Variants in PAK3 observed in about 807,000 individuals in gnomAD.
PAK3 encodes the protein p21 (RAC1) activated kinase 3, also known as serine/threonine-protein kinase PAK 3.
PAK3 carries 4 observed loss-of-function variants against 41.0 expected under a neutral mutation model. The observed-to-expected ratio is 0.10, with a 90% confidence interval of 0.05 to 0.22. The LOEUF (loss-of-function observed/expected upper bound fraction) is 0.22, where lower values mean the gene tolerates loss of function less well. PAK3 is among the 10% of genes least tolerant of loss of function. The pLI is 1.00. For missense variants in PAK3, 205 were observed against 409.9 expected, an observed-to-expected ratio of 0.50 and a Z score of 4.32; for synonymous variants, 146 against 139.6, an observed-to-expected ratio of 1.05 and a Z score of -0.32.
At position 111,223,326 on chromosome X, in the gene PAK3, T is replaced by C. The variant is rs1417281547; in HGVS notation, c.*2879T>C. ...TATTTATTTAAAAAAGGAAAGAACGTTAATGTTGTTAGCAAGGATCCAGTG... is the reference window on the plus strand; with the variant it reads ...TATTTATTTAAAAAAGGAAAGAACGCTAATGTTGTTAGCAAGGATCCAGTG... On this transcript the variant is annotated 3_prime_UTR_variant, in exon 18 of 18. Transcript: ENST00000372007. The C allele has an allele frequency of 2.7e-5, 3 of 109,486 alleles. No individual in the cohort carries two copies. Among genetic ancestry groups the C allele is most frequent in the African/African-American group, 1.0e-4 (3 of 30,060 alleles). The allele number at this position is 109,486 out of a possible 1,213,427, so 9.0% of individuals were successfully genotyped here. A position where few individuals can be genotyped will look rare whatever the true frequency, so the allele number is the denominator to read the frequency against.
At chrX:111,041,645 C>A (rs952074530) in intron 1 of PAK3, among the ~76,000 whole-genome samples, 3 of 111,463 alleles carry the variant, frequency 2.7e-5, no homozygotes, top group Non-Finnish European at 5.6e-5. Flanking sequence ...CCTCATCCTA[C>A]CTCCACTCCC....
intron 4 of PAK3, among the ~76,000 whole-genome samples, chrX:111,107,346 A>G (rs1210302383): frequency 1.8e-5 from 2 of 112,300 alleles, no homozygotes; most frequent in African/African-American, 6.5e-5. Flanking sequence ...TTCATGTGCG[A>G]TAGTAGACCC....
intron 1 of PAK3, among the ~76,000 whole-genome samples, chrX:111,067,055 T>A (rs932753470): frequency 1.5e-4 from 17 of 112,303 alleles, no homozygotes; most frequent in Non-Finnish European, 1.3e-4. Flanking sequence ...TTTGTTCTAA[T>A]ATTTTATCCG....
At chrX:110,953,659 T>G (rs1383586754) in intron 1 of PAK3, among the ~76,000 whole-genome samples, 1 of 111,399 alleles carries the variant, frequency 9.0e-6, no homozygotes, top group Non-Finnish European at 1.9e-5. Flanking sequence ...GAAAGCATTT[T>G]CAAAAGTGGG....
chrX:111,030,481 A>G (rs190997628), intron 1 of PAK3, among the ~76,000 whole-genome samples: 35 of 112,350 alleles, frequency 3.1e-4, no homozygotes, highest in African/African-American at 1.1e-3. Flanking sequence ...AGACTACATT[A>G]ATTGTGGAGT....
chrX:110,987,491 G>A (rs970841439), intron 1 of PAK3, among the ~76,000 whole-genome samples: 5 of 111,678 alleles, frequency 4.5e-5, no homozygotes, highest in African/African-American at 1.6e-4. Flanking sequence ...ATTAGACCCC[G>A]CCAGAGGGAG....
chrX:111,143,856 T>C (rs953604562), intron 6 of PAK3, among the ~76,000 whole-genome samples: 2 of 111,864 alleles, frequency 1.8e-5, no homozygotes, highest in African/African-American at 6.5e-5. Context: ...ACTACTATTG[T>C]GTTTTATTGT....
chrX:111,216,901 G>T, intron 17 of PAK3: 1 of 749,038 alleles, frequency 1.3e-6, no homozygotes, highest in Non-Finnish European at 1.6e-6. Flanking sequence ...CTTGGCCGGA[G>T]GTAATTCTCT....
chrX:111,100,561 G>T (rs995853146), intron 3 of PAK3, among the ~76,000 whole-genome samples: 3 of 111,229 alleles, frequency 2.7e-5, no homozygotes, highest in Non-Finnish European at 5.7e-5. Flanking sequence ...GATGGGGCTG[G>T]GGGTTCACAG....
chrX:111,147,695 G>C (rs1224162447), intron 6 of PAK3, 42 bp from the exon 7 acceptor site: 1 of 982,896 alleles, frequency 1.0e-6, no homozygotes, highest in South Asian at 1.9e-5. Context: ...TGCTGCTGCA[G>C]AATGTTCTGA....
chrX:111,099,972 C>A (rs2148887546), intron 3 of PAK3, among the ~76,000 whole-genome samples: 1 of 108,987 alleles, frequency 9.2e-6, no homozygotes, highest in Admixed American at 9.7e-5. Flanking sequence ...TTAGGGAAAA[C>A]AATACAAAAC....
chrX:111,125,790 T>C (rs1045934395), intron 5 of PAK3, among the ~76,000 whole-genome samples: 1 of 111,730 alleles, frequency 9.0e-6, no homozygotes, highest in Non-Finnish European at 1.9e-5. Flanking sequence ...TGAGACTTTC[T>C]AAAAGACTAT....
At chrX:111,195,747 A>G in intron 14 of PAK3, 95 bp from the exon 15 acceptor site, 1 of 575,580 alleles carries the variant, frequency 1.7e-6, no homozygotes, top group Non-Finnish European at 3.0e-6. Context: ...TTGACAATAT[A>G]AAGTTATATC....
At chrX:111,121,657 A>C (rs1211772279) in intron 4 of PAK3, among the ~76,000 whole-genome samples, 1 of 111,941 alleles carries the variant, frequency 8.9e-6, no homozygotes, top group Non-Finnish European at 1.9e-5. Flanking sequence ...TGATAATGCT[A>C]AGTCATGTTT....
chrX:110,990,233 C>G (rs1239720000), intron 1 of PAK3, among the ~76,000 whole-genome samples: 1 of 111,823 alleles, frequency 8.9e-6, no homozygotes, highest in Non-Finnish European at 1.9e-5. Flanking sequence ...ATCTGTCTCT[C>G]TTGTGTCTCA....
chrX:111,028,296 T>C (rs765049547), intron 1 of PAK3, among the ~76,000 whole-genome samples: 16 of 108,959 alleles, frequency 1.5e-4, no homozygotes, highest in African/African-American at 5.0e-4. Flanking sequence ...GGGTAGAGTG[T>C]ACACTGCTCG....
chrX:111,128,634 A>G (rs1425721805), intron 5 of PAK3, among the ~76,000 whole-genome samples: 1 of 111,827 alleles, frequency 8.9e-6, no homozygotes. Context: ...CTACCTTGCA[A>G]TAGGACAAAG....
chrX:111,016,026 T>A (rs572390350), intron 1 of PAK3, among the ~76,000 whole-genome samples: 2 of 112,233 alleles, frequency 1.8e-5, no homozygotes, highest in African/African-American at 6.5e-5. Flanking sequence ...TATCCTGTCT[T>A]CTCACTGAAA....
intron 1 of PAK3, among the ~76,000 whole-genome samples, chrX:111,064,459 CT>C: frequency 9.4e-6 from 1 of 106,115 alleles, no homozygotes; most frequent in Middle Eastern, 4.8e-3. Flanking sequence ...CTCCCTCCCC[CT>C]CTAGTAGTCC....
Sources: allele counts gnomAD v4.1 joint callset (sites outside exome capture counted in the v4.1 genomes callset), GRCh38; gene constraint gnomAD v4.1.1; transcripts MANE v1.5; gene names NCBI Gene and HGNC (gene_info 2026-07-23, HGNC 2026-07-21).